Variants in INTU observed in about 807,000 individuals in gnomAD.
INTU encodes protein inturned.
INTU carries 68 observed loss-of-function variants against 100.5 expected under a neutral mutation model. The observed-to-expected ratio is 0.68, with a 90% CI of 0.56 to 0.83. The LOEUF is 0.83. Among genes scored for constraint, INTU ranks in the 40% least tolerant of loss-of-function variants. The probability of loss-of-function intolerance (pLI) is 0.00; values close to 1 mark genes in which losing one functional copy is unlikely to be tolerated. For synonymous variants in INTU, 357 were observed against 395.7 expected, an observed-to-expected ratio of 0.90 and a Z score of 1.16; for missense variants, 1,071 against 1,114.7, an observed-to-expected ratio of 0.96 and a Z score of 0.56.
intron 1 of INTU, among the ~76,000 whole-genome samples, chr4:127,641,370 G>A (rs1408273515): frequency 2.8e-4 from 42 of 152,066 alleles, no homozygotes; most frequent in Admixed American, 2.8e-3. Context: ...CCCACCTTCC[G>A]CATTTACTCT....
intron 11 of INTU, 89 bp downstream of exon 11, chr4:127,705,901 G>A: frequency 4.5e-6 from 4 of 893,570 alleles, no homozygotes; most frequent in Middle Eastern, 2.4e-4. Context: ...GCAGCGGTAG[G>A]TAGGTATCTA....
chr4:127,642,190 C>A (rs961448348), intron 1 of INTU, among the ~76,000 whole-genome samples: 1 of 152,110 alleles, frequency 6.6e-6, no homozygotes, highest in African/African-American at 2.4e-5. Flanking sequence ...AATATTGATT[C>A]TGTGGGTACA....
intron 3 of INTU, among the ~76,000 whole-genome samples, chr4:127,657,417 T>C (rs1728282874): frequency 6.6e-6 from 1 of 151,958 alleles, no homozygotes; most frequent in African/African-American, 2.4e-5. Flanking sequence ...TTTGGGGGGA[T>C]AGGGAAGATT....
intron 3 of INTU, among the ~76,000 whole-genome samples, chr4:127,657,774 A>T (rs1352464587): frequency 6.6e-6 from 1 of 151,962 alleles, no homozygotes; most frequent in Non-Finnish European, 1.5e-5. Flanking sequence ...GTTGCAGGAA[A>T]ACAGATTCAG....
At chr4:127,662,669 G>A (rs1728525621) in intron 3 of INTU, among the ~76,000 whole-genome samples, 1 of 152,108 alleles carries the variant, frequency 6.6e-6, no homozygotes, top group African/African-American at 2.4e-5. Context: ...CCACAGACCA[G>A]TACCAGAACC....
At chr4:127,691,654 T>C in intron 8 of INTU, among the ~76,000 whole-genome samples, 1 of 152,000 alleles carries the variant, frequency 6.6e-6, no homozygotes, top group Admixed American at 6.6e-5. Flanking sequence ...CATGAATAAG[T>C]CCATTAGTGG....
In INTU at chr4:127,717,079, A is replaced by C. The variant is rs1731279366; in HGVS notation, c.*643A>C. On this transcript the variant is annotated 3_prime_UTR_variant, in exon 16 of 16. Transcript: ENST00000335251. ...AACATGTGCCATGGCGGTTTGCTCC[A>C]CCTATCAACCCATCACCTAGGTATT... 1 of 152,160 alleles carries C rather than the reference A, an allele frequency of 6.6e-6. No individual in the cohort carries two copies. 9.4% of individuals were successfully genotyped at this position (152,160 alleles called of 1,614,324 possible). A position where few individuals can be genotyped will look rare whatever the true frequency, so the allele number is the denominator to read the frequency against.
intron 2 of INTU, 53 bp from the exon 3 acceptor site, chr4:127,656,583 C>T (rs1042319933): frequency 7.0e-6 from 9 of 1,294,466 alleles, no homozygotes; most frequent in East Asian, 2.3e-5. Flanking sequence ...TTCTAGACCT[C>T]TATGGTTTTT....
intron 2 of INTU, among the ~76,000 whole-genome samples, chr4:127,655,803 G>T (rs911337602): frequency 1.6e-4 from 24 of 151,492 alleles, no homozygotes; most frequent in African/African-American, 5.6e-4. Context: ...TGGGCAATGG[G>T]GGGCGCCCCT....
intron 3 of INTU, among the ~76,000 whole-genome samples, chr4:127,658,272 G>A (rs1214813198): frequency 6.6e-6 from 1 of 152,208 alleles, no homozygotes; most frequent in East Asian, 1.9e-4. Context: ...GAAAGTGCTG[G>A]AATAACTATG....
chr4:127,671,455 A>G (rs1031585673), intron 5 of INTU, among the ~76,000 whole-genome samples: 4 of 152,030 alleles, frequency 2.6e-5, no homozygotes, highest in African/African-American at 9.7e-5. Flanking sequence ...TAAAAGGTCA[A>G]AAAATAACAG....
chr4:127,683,085 G>A (rs1729657817), intron 6 of INTU, among the ~76,000 whole-genome samples: 1 of 152,188 alleles, frequency 6.6e-6, no homozygotes, highest in Non-Finnish European at 1.5e-5. Flanking sequence ...GACTGTCACT[G>A]CTGAGCTCTG....
intron 2 of INTU, among the ~76,000 whole-genome samples, chr4:127,650,682 C>T (rs866586430): frequency 7.3e-5 from 11 of 151,550 alleles, no homozygotes; most frequent in African/African-American, 1.7e-4. Flanking sequence ...AATAAACATA[C>T]GTGTGCATGT....
intron 4 of INTU, among the ~76,000 whole-genome samples, chr4:127,666,888 A>G (rs1246023675): frequency 6.6e-6 from 1 of 152,164 alleles, no homozygotes; most frequent in East Asian, 1.9e-4. Context: ...TTTATCCAAA[A>G]GGATGCATTT....
In INTU at chr4:127,718,136, T is replaced by G. The variant is rs1731295853; in HGVS notation, c.*1700T>G. 6.6e-6 allele frequency: 1 copy of G among 152,174 alleles called. No individual in the cohort carries two copies. The allele number at this position is 152,174 out of a possible 1,614,324, so 9.4% of individuals were successfully genotyped here. ...TAGTTTTGGGCTTTACATTTAAGCC[T>G]TTATTCTATCTTAATTTTTTGTATA... is the stretch of plus-strand genomic sequence containing the variant. On this transcript the variant is annotated 3_prime_UTR_variant, in exon 16 of 16. Transcript: ENST00000335251.
rs532639071 is a variant in INTU, at chr4:127,671,827, CAG to C, written c.1092-2293_1092-2292del. Among the ~76,000 whole-genome samples, 298 of 151,900 alleles carry C rather than the reference CAG, an allele frequency of 2.0e-3. 5 individuals are homozygous for C. Among genetic ancestry groups the C allele is most frequent in the Non-Finnish European group, 4.9e-4 (33 of 67,824 alleles). ...TTAAATAAATAAATGGAATAAATAACAGAGAATGAAATCATGTCATTTGCAGC... is the reference window on the plus strand; with the variant it reads ...TTAAATAAATAAATGGAATAAATAACAGAATGAAATCATGTCATTTGCAGC... On this transcript the variant is annotated intron_variant, in intron 5 of 15. Transcript: ENST00000335251.
chr4:127,645,336 G>A (rs971096368), intron 2 of INTU, among the ~76,000 whole-genome samples: 2 of 152,070 alleles, frequency 1.3e-5, no homozygotes, highest in Non-Finnish European at 2.9e-5. Context: ...TCACCATTGT[G>A]TGAAGAGGTC....
At chr4:127,636,484 C>T (rs922478529) in intron 1 of INTU, among the ~76,000 whole-genome samples, 3 of 151,522 alleles carry the variant, frequency 2.0e-5, no homozygotes, top group African/African-American at 4.9e-5. Flanking sequence ...TGGTGGTGTC[C>T]ACCTGTAATT....
intron 2 of INTU, among the ~76,000 whole-genome samples, chr4:127,653,753 C>A (rs886445296): frequency 6.7e-4 from 102 of 151,172 alleles, no homozygotes; most frequent in Admixed American, 1.2e-3. Context: ...TGGTGCAGAG[C>A]TGAGTTCAAT....
Sources: allele counts gnomAD v4.1 joint callset (sites outside exome capture counted in the v4.1 genomes callset), GRCh38; gene constraint gnomAD v4.1.1; transcripts MANE v1.5; gene names NCBI Gene and HGNC (gene_info 2026-07-23, HGNC 2026-07-21).